DLGAP1: variants seen among roughly 807,000 people sequenced by gnomAD.
DLGAP1 encodes disks large-associated protein 1.
Under a neutral mutation model 90.8 loss-of-function variants are expected in DLGAP1, and 11 were observed. That is an observed-to-expected ratio of 0.12 (90% confidence interval 0.08 to 0.20). DLGAP1 has a LOEUF of 0.20. DLGAP1 is among the 10% of genes least tolerant of loss of function. DLGAP1 has a pLI of 1.00. For synonymous variants in DLGAP1, 558 were observed against 540.7 expected (o/e 1.03, Z -0.44); for missense variants, 1,050 against 1,333.8 (o/e 0.79, Z 3.31).
chr18:3,830,275 C>T (rs1463261069), intron 4 of DLGAP1, among the ~76,000 whole-genome samples: 4 of 152,150 alleles, frequency 2.6e-5, no homozygotes, highest in Non-Finnish European at 5.9e-5. Flanking sequence ...GGTAAATAAA[C>T]AGGAAATTGG....
In DLGAP1 at chr18:4,115,121, A is replaced by G. The variant is rs573301346; in HGVS notation, c.-159+36059T>C. On this transcript the variant is annotated intron_variant, in intron 2 of 12. Coordinates refer to ENST00000315677, the MANE Select transcript of DLGAP1 (RefSeq NM_004746.4). ...TTAATGATCTTTAAATAATATATGC[A>G]TTATTCTCTTAGTGATGTCTCTAGT... 4.6e-5 allele frequency among the ~76,000 whole-genome samples: 7 copies of G among 152,200 alleles called. No individual in the cohort carries two copies. The East Asian group carries it at 1.2e-3, about 25-fold the overall frequency.
At chr18:3,738,560 C>T (rs1412360752) in intron 6 of DLGAP1, among the ~76,000 whole-genome samples, 3 of 151,796 alleles carry the variant, frequency 2.0e-5, no homozygotes, top group Non-Finnish European at 4.4e-5. Context: ...GCTTGGAAAA[C>T]TGGCTAGCCA....
intron 1 of DLGAP1, among the ~76,000 whole-genome samples, chr18:4,390,192 CCT>C (rs1431478550): frequency 6.6e-6 from 1 of 152,022 alleles, no homozygotes; most frequent in African/African-American, 2.4e-5. Flanking sequence ...TATTCCTCCC[CCT>C]TTTTTCTTAA....
intron 7 of DLGAP1, among the ~76,000 whole-genome samples, chr18:3,714,222 A>G (rs1234907624): frequency 2.6e-5 from 4 of 152,230 alleles, no homozygotes; most frequent in Non-Finnish European, 5.9e-5. Flanking sequence ...GAAGCAAAGC[A>G]AAACAACGTA....
chr18:3,650,361 T>C (rs913014909), intron 7 of DLGAP1, among the ~76,000 whole-genome samples: 1 of 152,058 alleles, frequency 6.6e-6, no homozygotes, highest in Non-Finnish European at 1.5e-5. Flanking sequence ...TTATATTTCA[T>C]AGGAATATTT....
intron 7 of DLGAP1, among the ~76,000 whole-genome samples, chr18:3,615,636 C>T (rs1302087360): frequency 2.0e-5 from 3 of 152,118 alleles, no homozygotes; most frequent in African/African-American, 7.2e-5. Context: ...TTTTTCATTG[C>T]TTTGTCTGAA....
intron 1 of DLGAP1, among the ~76,000 whole-genome samples, chr18:4,243,987 G>A (rs868168904): frequency 6.6e-6 from 1 of 152,102 alleles, no homozygotes; most frequent in African/African-American, 2.4e-5. Flanking sequence ...TGCCCATGGT[G>A]TAACTTCATC....
chr18:3,968,568 A>G (rs1328754447), intron 3 of DLGAP1, among the ~76,000 whole-genome samples: 4 of 152,236 alleles, frequency 2.6e-5, no homozygotes, highest in Non-Finnish European at 5.9e-5. Flanking sequence ...AATAGTTAAC[A>G]TCTTTATATT....
At chr18:3,934,659 A>G (rs1404809760) in intron 3 of DLGAP1, among the ~76,000 whole-genome samples, 1 of 152,244 alleles carries the variant, frequency 6.6e-6, no homozygotes, top group Middle Eastern at 3.2e-3. Flanking sequence ...GGCAGACAGC[A>G]GTATCAAAGA....
At chr18:3,671,793 G>A (rs1049932415) in intron 7 of DLGAP1, among the ~76,000 whole-genome samples, 5 of 152,150 alleles carry the variant, frequency 3.3e-5, no homozygotes, top group Non-Finnish European at 7.3e-5. Flanking sequence ...TAAGGAAATA[G>A]TCATAGATTA....
At chr18:4,001,492 A>C (rs2149074375) in intron 3 of DLGAP1, among the ~76,000 whole-genome samples, 1 of 152,136 alleles carries the variant, frequency 6.6e-6, no homozygotes, top group East Asian at 1.9e-4. Flanking sequence ...ATTAATGTTT[A>C]AGTGAGATGA....
chr18:3,809,998 T>A (rs1229343892), intron 5 of DLGAP1, among the ~76,000 whole-genome samples: 1 of 152,230 alleles, frequency 6.6e-6, no homozygotes, highest in Non-Finnish European at 1.5e-5. Flanking sequence ...GGAAATTTAC[T>A]ATTAAACATT....
chr18:3,588,293 C>G (rs1295733968), intron 7 of DLGAP1, among the ~76,000 whole-genome samples: 1 of 152,126 alleles, frequency 6.6e-6, no homozygotes, highest in Non-Finnish European at 1.5e-5. Context: ...AACCCCATCT[C>G]TACTAAAAAT....
intron 7 of DLGAP1, among the ~76,000 whole-genome samples, chr18:3,680,657 C>T (rs7230003): frequency 0.32 from 48,022 of 151,742 alleles, 8,163 homozygotes; most frequent in East Asian, 0.63. Context: ...GGCGTGATGG[C>T]GGGCACCTGT....
chr18:4,099,602 T>C (rs2143855655), intron 2 of DLGAP1, among the ~76,000 whole-genome samples: 1 of 152,300 alleles, frequency 6.6e-6, no homozygotes, highest in African/African-American at 2.4e-5. Flanking sequence ...TGTAATCTTT[T>C]TGCGGTGAAG....
chr18:4,241,783 T>C (rs1458760060), intron 1 of DLGAP1, among the ~76,000 whole-genome samples: 2 of 152,260 alleles, frequency 1.3e-5, no homozygotes, highest in Non-Finnish European at 2.9e-5. Context: ...CCTGAATATT[T>C]TGGAAAGAAA....
chr18:3,667,116 T>C (rs1408469144), intron 7 of DLGAP1, among the ~76,000 whole-genome samples: 2 of 151,862 alleles, frequency 1.3e-5, no homozygotes, highest in Non-Finnish European at 2.9e-5. Context: ...TCTCACTCTG[T>C]TGCCCAGGCT....
At chr18:3,936,254 A>G (rs954835656) in intron 3 of DLGAP1, among the ~76,000 whole-genome samples, 1 of 152,264 alleles carries the variant, frequency 6.6e-6, no homozygotes, top group Non-Finnish European at 1.5e-5. Flanking sequence ...CTCTGGGTCA[A>G]GAGTGAGCTC....
chr18:3,675,384 TG>T (rs2060262272), intron 7 of DLGAP1, among the ~76,000 whole-genome samples: 1 of 152,216 alleles, frequency 6.6e-6, no homozygotes. Flanking sequence ...CAGGGTTAGC[TG>T]TTCTATATGC....
Sources: gnomAD v4.1 joint callset for allele counts (sites outside exome capture counted in the v4.1 genomes callset) on GRCh38, gnomAD v4.1.1 for gene constraint, MANE v1.5 for transcripts, NCBI Gene and HGNC (gene_info 2026-07-23, HGNC 2026-07-21) for gene names.